The following OR3A2 variants were observed in gnomAD, a reference collection of about 807,000 sequenced individuals.
The protein encoded by OR3A2 is olfactory receptor family 3 subfamily A member 2.
For synonymous variants in OR3A2, 126 were observed against 159.3 expected (o/e 0.79, Z 1.57); for missense variants, 318 against 392.8 (o/e 0.81, Z 1.61).
intron 2 of OR3A2, among the ~76,000 whole-genome samples, chr17:3,341,681 C>T (rs962172151): frequency 2.0e-4 from 31 of 152,216 alleles, no homozygotes; most frequent in Non-Finnish European, 4.1e-4. Flanking sequence ...ACCTTTCTCT[C>T]TGGCTGCCCT....
chr17:3,362,902 C>T (rs2049530263), intron 2 of OR3A2, among the ~76,000 whole-genome samples: 1 of 152,014 alleles, frequency 6.6e-6, no homozygotes, highest in Middle Eastern at 3.4e-3. Flanking sequence ...TGGGTTTGCA[C>T]TCTCTGAAAC....
intron 3 of OR3A2, among the ~76,000 whole-genome samples, chr17:3,329,225 T>A (rs1798947810): frequency 6.6e-6 from 1 of 151,746 alleles, no homozygotes; most frequent in Non-Finnish European, 1.5e-5. Flanking sequence ...GCTGGCCTCA[T>A]AAAATGAGTT....
intron 3 of OR3A2, among the ~76,000 whole-genome samples, chr17:3,295,541 A>G (rs1390373765): frequency 1.3e-5 from 2 of 152,142 alleles, no homozygotes; most frequent in Admixed American, 1.3e-4. Context: ...GCTATTTCAA[A>G]ACAATAAAAG....
intron 2 of OR3A2, among the ~76,000 whole-genome samples, chr17:3,356,849 A>C (rs769635660): frequency 2.0e-5 from 3 of 151,668 alleles, no homozygotes; most frequent in Non-Finnish European, 2.9e-5. Flanking sequence ...ACAATAAAAA[A>C]CATGGCTAAG....
At chr17:3,302,116 A>G (rs1224007357) in intron 3 of OR3A2, among the ~76,000 whole-genome samples, 1 of 152,338 alleles carries the variant, frequency 6.6e-6, no homozygotes, top group East Asian at 1.9e-4. Context: ...ATGGAAGAAC[A>G]TTCCATGCTC....
chr17:3,315,758 G>GT (rs2049077156), intron 3 of OR3A2, among the ~76,000 whole-genome samples: 1 of 106,846 alleles, frequency 9.4e-6, no homozygotes, highest in African/African-American at 4.3e-5. Flanking sequence ...ATATGGGGGG[G>GT]GGGGCGGTAG....
At chr17:3,291,667 T>G (rs758236938) in intron 3 of OR3A2, 4 of 1,605,100 alleles carry the variant, frequency 2.5e-6, no homozygotes, top group African/African-American at 1.3e-5. Context: ...GTGAGCATCC[T>G]CCAGATGGCA....
intron 2 of OR3A2, among the ~76,000 whole-genome samples, chr17:3,350,413 A>T (rs1411333291): frequency 2.5e-4 from 38 of 150,038 alleles, no homozygotes; most frequent in Non-Finnish European, 5.0e-4. Flanking sequence ...ACCTCTACGC[A>T]AATAAACTAG....
intron 2 of OR3A2, among the ~76,000 whole-genome samples, chr17:3,364,202 T>C (rs1282884680): frequency 6.6e-6 from 1 of 152,220 alleles, no homozygotes; most frequent in African/African-American, 2.4e-5. Context: ...AACATGTATA[T>C]TTTATTATGT....
chr17:3,357,336 A>C (rs1245641610), intron 2 of OR3A2, among the ~76,000 whole-genome samples: 1 of 151,686 alleles, frequency 6.6e-6, no homozygotes, highest in Admixed American at 6.6e-5. Context: ...TTGGTGCAAG[A>C]ATCAGAGACT....
At chr17:3,385,416 G>A (rs1399638644) in intron 1 of OR3A2, among the ~76,000 whole-genome samples, 1 of 152,156 alleles carries the variant, frequency 6.6e-6, no homozygotes, top group Non-Finnish European at 1.5e-5. Flanking sequence ...AGATCACATA[G>A]ACAGCAAAGA....
chr17:3,370,343 T>C (rs955536781), intron 2 of OR3A2, among the ~76,000 whole-genome samples: 3 of 152,198 alleles, frequency 2.0e-5, no homozygotes, highest in African/African-American at 7.2e-5. Context: ...GAATGATCTT[T>C]TGTATTTCTG....
At chr17:3,355,921 GT>G (rs1457979026) in intron 2 of OR3A2, among the ~76,000 whole-genome samples, 1 of 150,262 alleles carries the variant, frequency 6.7e-6, no homozygotes, top group African/African-American at 2.5e-5. Flanking sequence ...CCTGTCTTTT[GT>G]TTTTAGTCAA....
At chr17:3,309,021 C>A (rs1597331180) in intron 3 of OR3A2, among the ~76,000 whole-genome samples, 1 of 151,962 alleles carries the variant, frequency 6.6e-6, no homozygotes, top group Non-Finnish European at 1.5e-5. Context: ...TTCTTCTGCC[C>A]CAGCCTCCCG....
At chr17:3,383,715 G>A (rs1362257126) in intron 2 of OR3A2, 1 of 152,100 alleles carries the variant, frequency 6.6e-6, no homozygotes, top group Non-Finnish European at 1.5e-5. Flanking sequence ...GGGTTGGAAG[G>A]GGCATAGCAG....
chr17:3,292,387 G>T (rs1286232666), intron 3 of OR3A2: 1 of 1,614,078 alleles, frequency 6.2e-7, no homozygotes, highest in Non-Finnish European at 8.5e-7. Flanking sequence ...AGGTTCCCCA[G>T]GAAGAAGTAC....
At chr17:3,361,915 A>G (rs1396467249) in intron 2 of OR3A2, among the ~76,000 whole-genome samples, 2 of 151,554 alleles carry the variant, frequency 1.3e-5, no homozygotes, top group Non-Finnish European at 2.9e-5. Flanking sequence ...TGGTATCAGG[A>G]TGATGCTGGC....
chr17:3,340,800 G>A (rs2049310467), intron 2 of OR3A2, among the ~76,000 whole-genome samples: 1 of 152,164 alleles, frequency 6.6e-6, no homozygotes, highest in Non-Finnish European at 1.5e-5. Flanking sequence ...GCAGAGCTGA[G>A]TTCAATTCCT....
chr17:3,375,671 C>T (rs2049677354), intron 2 of OR3A2, among the ~76,000 whole-genome samples: 1 of 152,052 alleles, frequency 6.6e-6, no homozygotes, highest in African/African-American at 2.4e-5. Context: ...GTTATAGAAC[C>T]TTGTTTTGCT....
Sources: allele counts gnomAD v4.1 joint callset (sites outside exome capture counted in the v4.1 genomes callset), GRCh38; gene constraint gnomAD v4.1.1; transcripts MANE v1.5; gene names NCBI Gene and HGNC (gene_info 2026-07-23, HGNC 2026-07-21).